The following CALD1 variants were observed in gnomAD, a reference collection of about 807,000 sequenced individuals.
CALD1 encodes caldesmon 1, also known as caldesmon.
CALD1 carries 33 observed loss-of-function variants against 99.9 expected under a neutral mutation model. The observed-to-expected ratio is 0.33, with a 90% CI of 0.25 to 0.44. The LOEUF (loss-of-function observed/expected upper bound fraction) is 0.44, where lower values mean the gene tolerates loss of function less well. Among genes scored for constraint, CALD1 ranks in the 20% least tolerant of loss-of-function variants. The probability of loss-of-function intolerance (pLI) is 1.00; values close to 1 mark genes in which losing one functional copy is unlikely to be tolerated. For synonymous variants in CALD1, 310 were observed against 325.0 expected, an observed-to-expected ratio of 0.95 and a Z score of 0.50; for missense variants, 861 against 962.1, an observed-to-expected ratio of 0.89 and a Z score of 1.39.
chr7:134,965,315 C>G lies in CALD1; in HGVS notation c.2305C>G (p.Pro769Ala). 1 of 1,569,404 alleles carries G rather than the reference C, an allele frequency of 6.4e-7. No individual in the cohort carries two copies. The highest frequency in any genetic ancestry group is 8.8e-7 in the Non-Finnish European group (1 of 1,139,338). Reference protein sequence around the residue: ...SPAPKPSDLRPGDVSSKRNLW... With the variant: ...SPAPKPSDLRAGDVSSKRNLW... The stretch of plus-strand genomic sequence containing the variant: ...GCTTCCTTTTTATCAGGACTTGAGA[C>G]CAGGAGACGTATCCAGCAAGCGGAA... Residue 769 changes from proline (P) to alanine (A), a missense_variant, in exon 14 of 15, where the codon CCA (proline) becomes GCA (alanine). Coordinates refer to ENST00000361675, the MANE Select transcript of CALD1 (RefSeq NM_033138.4).
chr7:134,872,595 G>A (rs892822783), intron 3 of CALD1, among the ~76,000 whole-genome samples: 2 of 152,124 alleles, frequency 1.3e-5, no homozygotes, highest in Non-Finnish European at 2.9e-5. Flanking sequence ...ATAGGAATCA[G>A]TGGTCACCAG....
At chr7:134,814,985 T>G (rs1050810529) in intron 1 of CALD1, among the ~76,000 whole-genome samples, 1 of 152,236 alleles carries the variant, frequency 6.6e-6, no homozygotes, top group Admixed American at 6.5e-5. Context: ...TGTGGCTTCC[T>G]AGATTTTGGG....
chr7:134,902,038 C>T (rs1209339681), intron 3 of CALD1, among the ~76,000 whole-genome samples: 4 of 152,052 alleles, frequency 2.6e-5, no homozygotes, highest in African/African-American at 9.7e-5. Flanking sequence ...TTAAATGCAA[C>T]GAGCCTGGGC....
At chr7:134,946,827 C>G (rs1328485895) in intron 7 of CALD1, among the ~76,000 whole-genome samples, 3 of 151,982 alleles carry the variant, frequency 2.0e-5, no homozygotes, top group Non-Finnish European at 4.4e-5. Flanking sequence ...ACCACAGGCA[C>G]ACGCCGCCAC....
At chr7:134,931,076 T>C (rs1805487858) in intron 4 of CALD1, among the ~76,000 whole-genome samples, 1 of 152,216 alleles carries the variant, frequency 6.6e-6, no homozygotes, top group African/African-American at 2.4e-5. Context: ...TTTCATGCTA[T>C]TAATTGAAAT....
At chr7:134,751,286 C>T (rs1468253071) in intron 1 of CALD1, among the ~76,000 whole-genome samples, 1 of 152,210 alleles carries the variant, frequency 6.6e-6, no homozygotes, top group African/African-American at 2.4e-5. Flanking sequence ...ATCAATGACA[C>T]CTATTATTAG....
chr7:134,888,037 TC>T (rs1484660667), intron 3 of CALD1, among the ~76,000 whole-genome samples: 1 of 152,220 alleles, frequency 6.6e-6, no homozygotes, highest in Non-Finnish European at 1.5e-5. Flanking sequence ...TGGTCCGGTC[TC>T]CCACCTCCAT....
At chr7:134,871,584 A>T (rs904362454) in intron 3 of CALD1, among the ~76,000 whole-genome samples, 10 of 152,136 alleles carry the variant, frequency 6.6e-5, no homozygotes, top group Non-Finnish European at 1.5e-4. Flanking sequence ...CAAACATAAC[A>T]TGTACCCCGT....
At chr7:134,927,991 T>C (rs1805171372) in intron 3 of CALD1, 1 of 56,426 alleles carries the variant, frequency 1.8e-5, no homozygotes, top group African/African-American at 1.7e-4. Flanking sequence ...TTTTGGCTTA[T>C]TAGCACCAAA....
chr7:134,797,913 C>G (rs944114884), intron 1 of CALD1, among the ~76,000 whole-genome samples: 1 of 152,042 alleles, frequency 6.6e-6, no homozygotes, highest in African/African-American at 2.4e-5. Flanking sequence ...TTGTATTGTT[C>G]TTTAAATAAA....
chr7:134,868,219 C>T (rs1311506091), intron 3 of CALD1: 1 of 156,286 alleles, frequency 6.4e-6, no homozygotes, highest in Non-Finnish European at 1.4e-5. Flanking sequence ...GGCAAAAAGC[C>T]CTGGATGAAT....
At chr7:134,898,025 A>G (rs1398715428) in intron 3 of CALD1, among the ~76,000 whole-genome samples, 1 of 152,116 alleles carries the variant, frequency 6.6e-6, no homozygotes, top group East Asian at 1.9e-4. Flanking sequence ...CCCAGGTTCA[A>G]GCAATTATTC....
intron 1 of CALD1, among the ~76,000 whole-genome samples, chr7:134,837,783 A>C (rs534566597): frequency 6.6e-6 from 1 of 152,366 alleles, no homozygotes; most frequent in Non-Finnish European, 1.5e-5. Flanking sequence ...GCATTAACCA[A>C]GTACAATGGA....
chr7:134,763,917 CAAAAAAA>C (rs34036528), intron 1 of CALD1, among the ~76,000 whole-genome samples: 3 of 103,398 alleles, frequency 2.9e-5, no homozygotes, highest in Non-Finnish European at 4.0e-5. Flanking sequence ...GACTCCATCT[CAAAAAAA>C]AAAAAAAAAA....
chr7:134,858,581 T>G (rs1427322453), intron 2 of CALD1, among the ~76,000 whole-genome samples: 1 of 149,184 alleles, frequency 6.7e-6, no homozygotes, highest in Non-Finnish European at 1.5e-5. Context: ...GAAAGATCTC[T>G]TTTTTTTTTG....
chr7:134,945,707 T>A (rs754580597), intron 7 of CALD1, among the ~76,000 whole-genome samples: 4 of 152,252 alleles, frequency 2.6e-5, no homozygotes, highest in Non-Finnish European at 5.9e-5. Context: ...CATACCAAGC[T>A]AATTTCATAA....
At chr7:134,769,951 C>A (rs1796863829) in intron 1 of CALD1, among the ~76,000 whole-genome samples, 1 of 152,138 alleles carries the variant, frequency 6.6e-6, no homozygotes, top group Non-Finnish European at 1.5e-5. Flanking sequence ...AGTCTAGATT[C>A]TAATTCTGTG....
At chr7:134,930,852 G>A (rs1319708477) in intron 4 of CALD1, among the ~76,000 whole-genome samples, 1 of 152,156 alleles carries the variant, frequency 6.6e-6, no homozygotes, top group African/African-American at 2.4e-5. Flanking sequence ...ACACGGGAGG[G>A]CAACGTAGTC....
chr7:134,766,589 C>T (rs577672135), intron 1 of CALD1, among the ~76,000 whole-genome samples: 5 of 152,302 alleles, frequency 3.3e-5, no homozygotes, highest in East Asian at 3.9e-4. Flanking sequence ...GCAGTTAGTT[C>T]GCAAAGCAGC....
Sources: allele counts gnomAD v4.1 joint callset (sites outside exome capture counted in the v4.1 genomes callset), GRCh38; gene constraint gnomAD v4.1.1; transcripts MANE v1.5; gene names NCBI Gene and HGNC (gene_info 2026-07-23, HGNC 2026-07-21).